Variants in GPC5 observed in about 807,000 individuals in gnomAD.
The protein encoded by GPC5 is glypican 5.
GPC5 carries 47 observed loss-of-function variants against 53.9 expected under a neutral mutation model. The observed-to-expected ratio is 0.87, with a 90% confidence interval of 0.69 to 1.11. GPC5 has a LOEUF of 1.11. Ranked by LOEUF, GPC5 falls within the 50% of genes most tolerant of loss-of-function variation. The probability of loss-of-function intolerance (pLI) is 0.00; values close to 1 mark genes in which losing one functional copy is unlikely to be tolerated. For missense variants in GPC5, 748 were observed against 713.1 expected (o/e 1.05, Z -0.56); for synonymous variants, 286 against 263.3 (o/e 1.09, Z -0.84).
chr13:91,969,945 A>G (rs2040225457), intron 6 of GPC5, among the ~76,000 whole-genome samples: 2 of 152,224 alleles, frequency 1.3e-5, no homozygotes, highest in African/African-American at 4.8e-5. Flanking sequence ...TACAACGAGT[A>G]TGGAAAACAG....
At chr13:91,994,111 G>A (rs1261471784) in intron 6 of GPC5, among the ~76,000 whole-genome samples, 1 of 152,198 alleles carries the variant, frequency 6.6e-6, no homozygotes, top group Non-Finnish European at 1.5e-5. Flanking sequence ...TTACCAAAAT[G>A]TTGCCCAGGT....
intron 2 of GPC5, among the ~76,000 whole-genome samples, chr13:91,564,830 A>G (rs748913014): frequency 2.0e-5 from 3 of 152,134 alleles, no homozygotes; most frequent in Non-Finnish European, 4.4e-5. Context: ...TCTTTTCAAT[A>G]TGTCGCCTTC....
intron 7 of GPC5, among the ~76,000 whole-genome samples, chr13:92,534,895 A>T (rs967747454): frequency 6.6e-6 from 1 of 152,148 alleles, no homozygotes; most frequent in Non-Finnish European, 1.5e-5. Context: ...ACACATCCAA[A>T]GGTTTAAGGA....
intron 6 of GPC5, among the ~76,000 whole-genome samples, chr13:92,040,902 G>A (rs1028723506): frequency 3.3e-5 from 5 of 152,150 alleles, no homozygotes; most frequent in African/African-American, 7.2e-5. Flanking sequence ...CCAGGCTGCC[G>A]TGCAATGGCA....
chr13:92,778,002 G>A (rs1168313605), intron 7 of GPC5, among the ~76,000 whole-genome samples: 3 of 152,178 alleles, frequency 2.0e-5, no homozygotes, highest in Non-Finnish European at 2.9e-5. Context: ...GTGTGCTTGA[G>A]GCTCCAGGAT....
At chr13:91,893,925 C>G (rs532230507) in intron 5 of GPC5, among the ~76,000 whole-genome samples, 1 of 150,346 alleles carries the variant, frequency 6.7e-6, no homozygotes, top group Non-Finnish European at 1.5e-5. Context: ...TCTATGAGGG[C>G]AAGAAAGCAT....
At chr13:92,488,032 TA>T (rs1291906100) in intron 7 of GPC5, among the ~76,000 whole-genome samples, 5 of 152,038 alleles carry the variant, frequency 3.3e-5, no homozygotes, top group African/African-American at 1.2e-4. Context: ...TGTATACTTA[TA>T]ATATTTGCTC....
intron 7 of GPC5, among the ~76,000 whole-genome samples, chr13:92,187,507 G>C (rs373264964): frequency 6.6e-6 from 1 of 152,116 alleles, no homozygotes; most frequent in Admixed American, 6.5e-5. Flanking sequence ...TAGTTACCCT[G>C]TATTTCCATA....
At chr13:92,018,838 AT>A (rs1245768960) in intron 6 of GPC5, among the ~76,000 whole-genome samples, 1 of 152,126 alleles carries the variant, frequency 6.6e-6, no homozygotes, top group East Asian at 1.9e-4. Context: ...TAACAAAATC[AT>A]TTTTATGAAA....
At chr13:91,789,419 G>A (rs2037928789) in intron 5 of GPC5, among the ~76,000 whole-genome samples, 1 of 152,076 alleles carries the variant, frequency 6.6e-6, no homozygotes, top group African/African-American at 2.4e-5. Context: ...ATCTTAAATA[G>A]TATTTGTAAT....
intron 7 of GPC5, among the ~76,000 whole-genome samples, chr13:92,244,660 A>G (rs72636873): frequency 0.16 from 24,370 of 152,168 alleles, 2,386 homozygotes; most frequent in Admixed American, 0.22. Flanking sequence ...CACTCACACA[A>G]TGCATTTATA....
Position 91,476,381 on chromosome 13 carries a change from G to A in GPC5, c.325+27459G>A, listed in dbSNP as rs575803860. On this transcript the variant is annotated intron_variant, in intron 2 of 7. Coordinates refer to ENST00000377067, the MANE Select transcript of GPC5 (RefSeq NM_004466.6). ...ACTCAGAAAGGCTACTTCACCCAGT[G>A]TTACATTGAAGTAAATAACAACGGA... Among the ~76,000 whole-genome samples, 5 of 152,258 alleles carry A rather than the reference G, an allele frequency of 3.3e-5. No individual in the cohort carries two copies. In the South Asian group the frequency reaches 1.0e-3, roughly 32 times the overall value.
Position 91,693,512 on chromosome 13 carries a change from G to A in GPC5, c.651G>A (p.Arg217=). The change falls in exon 3 of 8, where the codon AGG becomes AGA. Residue 217 remains arginine, a synonymous_variant. Coordinates refer to ENST00000377067, the MANE Select transcript of GPC5 (RefSeq NM_004466.6). ...IPQRVMGQMG[R]SLLPSRTFLQ... ...AAAGAGTAATGGGACAGATGGGGAG[G>A]TCCCTGCTGCCCAGCCGCACTTTTC... 1 of 1,614,072 alleles carries A rather than the reference G, an allele frequency of 6.2e-7. No homozygotes were observed. Among genetic ancestry groups the A allele is most frequent in the South Asian group, 1.1e-5 (1 of 91,074 alleles).
intron 5 of GPC5, among the ~76,000 whole-genome samples, chr13:91,815,989 G>T (rs745794519): frequency 1.8e-4 from 28 of 152,202 alleles, no homozygotes; most frequent in Non-Finnish European, 3.2e-4. Context: ...GGAGAGCAAA[G>T]GAGTATAACA....
chr13:91,795,671 G>A (rs1244515622), intron 5 of GPC5, among the ~76,000 whole-genome samples: 31 of 152,002 alleles, frequency 2.0e-4, no homozygotes, highest in Admixed American at 2.0e-3. Flanking sequence ...CCTACCATGG[G>A]TCATAGCTTG....
In GPC5 at chr13:91,829,893, A is replaced by G. The variant is rs368674280; in HGVS notation, c.1280+73473A>G. Among the ~76,000 whole-genome samples the G allele has an allele frequency of 2.4e-4, 36 of 152,228 alleles. No individual in the cohort carries two copies. In the East Asian group the frequency reaches 5.4e-3, roughly 23 times the overall value. On this transcript the variant is annotated intron_variant, in intron 5 of 7. Transcript: ENST00000377067. Reference sequence around the variant, plus strand: ...GTACTTCACAAGGTCATAGAATATCACAAGGCAAATGGAGGCAGTGTGAGA... The same window carrying G: ...GTACTTCACAAGGTCATAGAATATCGCAAGGCAAATGGAGGCAGTGTGAGA...
At chr13:91,817,652 A>C (rs1177242561) in intron 5 of GPC5, among the ~76,000 whole-genome samples, 1 of 152,198 alleles carries the variant, frequency 6.6e-6, no homozygotes, top group East Asian at 1.9e-4. Flanking sequence ...TTTTCTTCTT[A>C]AAGTGTCTTA....
chr13:92,485,072 GA>G (rs1307703886), intron 7 of GPC5, among the ~76,000 whole-genome samples: 3 of 152,090 alleles, frequency 2.0e-5, no homozygotes, highest in African/African-American at 7.2e-5. Context: ...CAGCCAAGGG[GA>G]TGTTGGCAAG....
At chr13:92,063,764 G>A (rs1044816785) in intron 6 of GPC5, among the ~76,000 whole-genome samples, 17 of 152,062 alleles carry the variant, frequency 1.1e-4, no homozygotes, top group South Asian at 2.1e-4. Flanking sequence ...AAGGAGTTTC[G>A]GGTACCATAA....
Sources: allele counts gnomAD v4.1 joint callset (sites outside exome capture counted in the v4.1 genomes callset), GRCh38; gene constraint gnomAD v4.1.1; transcripts MANE v1.5; gene names NCBI Gene and HGNC (gene_info 2026-07-23, HGNC 2026-07-21).